Variants in OGDH observed in about 807,000 individuals in gnomAD.
OGDH encodes 2-oxoglutarate dehydrogenase complex component E1.
OGDH carries 38 observed loss-of-function variants against 116.6 expected under a neutral mutation model. That is an observed-to-expected ratio of 0.33 (90% CI 0.25 to 0.43). The LOEUF (loss-of-function observed/expected upper bound fraction) is 0.43, where lower values mean the gene tolerates loss of function less well. Ranked by LOEUF, OGDH falls within the 20% of genes least tolerant of loss-of-function variation. The pLI, the probability that OGDH is intolerant of heterozygous loss-of-function variation, is 1.00. For missense variants in OGDH, 825 were observed against 1,357.2 expected, an observed-to-expected ratio of 0.61 and a Z score of 6.16; for synonymous variants, 488 against 533.3, an observed-to-expected ratio of 0.92 and a Z score of 1.17.
intron 2 of OGDH, among the ~76,000 whole-genome samples, chr7:44,626,876 C>T (rs769643050): frequency 2.0e-5 from 3 of 152,182 alleles, no homozygotes; most frequent in Non-Finnish European, 2.9e-5. Context: ...CCAGCAATCC[C>T]GGTTGTCATC....
intron 2 of OGDH, among the ~76,000 whole-genome samples, chr7:44,634,607 A>G (rs1051126275): frequency 1.3e-4 from 20 of 152,260 alleles, no homozygotes; most frequent in Non-Finnish European, 2.5e-4. Context: ...AAGCATTGCT[A>G]TAATGGAGCA....
At chr7:44,672,498 C>T (rs1001683539) in intron 5 of OGDH, among the ~76,000 whole-genome samples, 6 of 152,120 alleles carry the variant, frequency 3.9e-5, no homozygotes, top group Non-Finnish European at 5.9e-5. Context: ...ACATTAGGGC[C>T]TATCTTCTTT....
intron 2 of OGDH, among the ~76,000 whole-genome samples, chr7:44,641,847 G>C (rs770342616): frequency 6.6e-6 from 1 of 152,232 alleles, no homozygotes; most frequent in African/African-American, 2.4e-5. Flanking sequence ...TTTGTGCACA[G>C]CCACCTTTTA....
At chr7:44,654,332 TG>T (rs1269711871) in intron 4 of OGDH, among the ~76,000 whole-genome samples, 1 of 152,226 alleles carries the variant, frequency 6.6e-6, no homozygotes, top group African/African-American at 2.4e-5. Context: ...ATTTAAAAGT[TG>T]AAAAATGTGG....
At chr7:44,682,386 A>G (rs1787964168) in intron 10 of OGDH, among the ~76,000 whole-genome samples, 1 of 141,430 alleles carries the variant, frequency 7.1e-6, no homozygotes, top group Non-Finnish European at 1.5e-5. Flanking sequence ...ACTCCATTTC[A>G]AAAAAAAAAA....
At chr7:44,696,796 C>A in intron 14 of OGDH, 118 bp from the exon 15 acceptor site, 1 of 1,347,074 alleles carries the variant, frequency 7.4e-7, no homozygotes. Flanking sequence ...TCCAGCAAGT[C>A]AGGAACCCAG....
At chr7:44,663,616 A>C (rs1412188312) in intron 4 of OGDH, among the ~76,000 whole-genome samples, 1 of 152,202 alleles carries the variant, frequency 6.6e-6, no homozygotes, top group Non-Finnish European at 1.5e-5. Context: ...TAAAAATACA[A>C]AAATTAGCCG....
chr7:44,633,027 G>GC (rs1002573032), intron 2 of OGDH, among the ~76,000 whole-genome samples: 1 of 151,636 alleles, frequency 6.6e-6, no homozygotes, highest in Non-Finnish European at 1.5e-5. Flanking sequence ...GCTGAGGTGG[G>GC]CAGATCACGA....
In OGDH at chr7:44,700,184, G is replaced by A. The variant is rs1180206250; in HGVS notation, c.2474G>A (p.Cys825Tyr). 6.2e-7 allele frequency: 1 copy of A among 1,614,074 alleles called. No homozygotes were observed. The highest frequency in any genetic ancestry group is 2.2e-5 in the East Asian group (1 of 44,904). ...TTCGACATCAATCAGCTATATGACTGCAATTGGGTTGTTGTCAACTGCTCC... is the reference window on the plus strand; with the variant it reads ...TTCGACATCAATCAGCTATATGACTACAATTGGGTTGTTGTCAACTGCTCC... ...ANFDINQLYD[C>Y]NWVVVNCSTP... The change falls in exon 19 of 23, where the codon TGC (cysteine) becomes TAC (tyrosine). Residue 825 changes from cysteine to tyrosine, a missense_variant. Physicochemically the swap from Cys to Tyr is radical, Grantham distance 194 (BLOSUM62 -2). Around this residue, in one of 7 missense-constraint regions of OGDH, gnomAD observed 212 missense variants for 284.3 expected, o/e 0.75. Coordinates refer to ENST00000222673, the MANE Select transcript of OGDH (RefSeq NM_002541.4).
chr7:44,647,856 T>G, intron 4 of OGDH, 97 bp downstream of exon 4: 1 of 855,278 alleles, frequency 1.2e-6, no homozygotes, highest in Non-Finnish European at 1.9e-6. Flanking sequence ...GGAAAGGCTC[T>G]TAAGTTTCCT....
In OGDH at chr7:44,706,766, G is replaced by A. The variant is rs112125272; in HGVS notation, c.2633-459G>A. Among the ~76,000 whole-genome samples, 72 of 150,128 alleles carry A rather than the reference G, an allele frequency of 4.8e-4. 1 individual carries two copies. The highest frequency in any genetic ancestry group is 1.6e-3 in the African/African-American group (67 of 40,640). The stretch of plus-strand genomic sequence containing the variant: ...CTCCCGAGTAGCTGGGACCACAGGC[G>A]CACACCACCATGCCTGGCTCATTTT... On this transcript the variant is annotated intron_variant, in intron 20 of 22. Transcript: ENST00000222673.
intron 5 of OGDH, among the ~76,000 whole-genome samples, chr7:44,670,293 T>A (rs946917533): frequency 2.0e-5 from 3 of 152,202 alleles, no homozygotes; most frequent in Non-Finnish European, 4.4e-5. Flanking sequence ...AGCACAGTTC[T>A]GCCAGCTCTG....
intron 5 of OGDH, among the ~76,000 whole-genome samples, chr7:44,672,266 G>A (rs1392803235): frequency 6.6e-6 from 1 of 152,150 alleles, no homozygotes; most frequent in Non-Finnish European, 1.5e-5. Context: ...CTTGTGTACA[G>A]GGATAGCCCA....
chr7:44,670,087 C>T (rs1787367688), intron 5 of OGDH, among the ~76,000 whole-genome samples: 1 of 151,534 alleles, frequency 6.6e-6, no homozygotes, highest in South Asian at 2.1e-4. Flanking sequence ...GAGACAGGGC[C>T]AAGAACAGGA....
chr7:44,629,250 T>C (rs1426749431), intron 2 of OGDH, among the ~76,000 whole-genome samples: 1 of 152,198 alleles, frequency 6.6e-6, no homozygotes, highest in Admixed American at 6.5e-5. Context: ...CCTACAGCTG[T>C]AGCATGGTGT....
intron 1 of OGDH, among the ~76,000 whole-genome samples, chr7:44,610,528 T>G (rs1423185800): frequency 6.6e-6 from 1 of 152,180 alleles, no homozygotes; most frequent in Non-Finnish European, 1.5e-5. Context: ...GGTCTCGAAC[T>G]CCTGACCTCG....
chr7:44,645,247 G>C, intron 2 of OGDH, 80 bp from the exon 3 acceptor site: 1 of 1,320,602 alleles, frequency 7.6e-7, no homozygotes, highest in Non-Finnish European at 1.1e-6. Context: ...CTTGCCTGCA[G>C]AGAGCAGTTC....
rs1787200281 is a variant in OGDH, at chr7:44,666,723, C to G, written c.518-13C>G. 2 of 1,562,352 alleles carry G rather than the reference C, an allele frequency of 1.3e-6. No homozygotes were observed. The highest frequency in any genetic ancestry group is 1.8e-6 in the Non-Finnish European group (2 of 1,140,854). ...CTCCTCATCTGGCTTGTCCTGCCCA[C>G]ATCGCCCTGCAGGGTTCTATGGCCT... On this transcript the variant is annotated splice_polypyrimidine_tract_variant and intron_variant, in intron 4 of 22. Transcript: ENST00000222673.
intron 3 of OGDH, 64 bp downstream of exon 3, chr7:44,645,582 G>A: frequency 2.7e-6 from 4 of 1,454,710 alleles, no homozygotes; most frequent in Non-Finnish European, 3.8e-6. Flanking sequence ...ATGCCTCATG[G>A]GCCCTATTGG....
Sources: gnomAD v4.1 joint callset for allele counts (sites outside exome capture counted in the v4.1 genomes callset) on GRCh38, gnomAD v4.1.1 for gene constraint, gnomAD v4.1.1 regional missense constraint, MANE v1.5 for transcripts, NCBI Gene and HGNC (gene_info 2026-07-23, HGNC 2026-07-21) for gene names.